Variants in ADAM29 observed in about 807,000 individuals in gnomAD.
The protein encoded by ADAM29 is ADAM metallopeptidase domain 29.
For synonymous variants in ADAM29, 367 were observed against 342.3 expected (o/e 1.07, Z -0.80); for missense variants, 969 against 1,001.8 (o/e 0.97, Z 0.44).
chr4:174,928,407 G>A (rs1227560761), intron 2 of ADAM29, among the ~76,000 whole-genome samples: 2 of 151,790 alleles, frequency 1.3e-5, no homozygotes, highest in South Asian at 2.1e-4. Flanking sequence ...TGACTGGTTA[G>A]TTACTGGAGG....
rs945916249 is a variant in ADAM29 at position 174,918,390 on chromosome 4, TGTGA to T, written c.-635_-632del. 45 of 152,174 alleles carry T rather than the reference TGTGA, an allele frequency of 3.0e-4. No individual in the cohort carries two copies. Among genetic ancestry groups the T allele is most frequent in the African/African-American group, 8.4e-4 (35 of 41,430 alleles). 9.4% of individuals were successfully genotyped at this position (152,174 alleles called of 1,614,324 possible). ...CACATCCACTAACCAAATGGGGTGG[TGTGA>T]GTATCTCCTATAAAATAAAAGCTCT... On this transcript the variant is annotated 5_prime_UTR_variant, in exon 1 of 5. An upstream open reading frame in the 5' UTR loses its in-frame stop. Transcript: ENST00000359240.
In ADAM29 at chr4:174,977,878, CAG is replaced by C; in HGVS notation, c.2356_2357del (p.His787SerfsTer72). Reference protein sequence around the residue: ...SQSQPPVMPSQSHPQLTPSQS... With the variant: ...SQSQPPVMPSXSHPQLTPSQS... Reference sequence around the variant, plus strand: ...GAGTCAACCTCCTGTGATGCCTTCCCAGAGTCATCCTCAGTTGACGCCTTCCC... The same window carrying C: ...GAGTCAACCTCCTGTGATGCCTTCCCAGTCATCCTCAGTTGACGCCTTCCC... On this transcript the variant is annotated frameshift_variant, in exon 5 of 5. Coordinates refer to ENST00000359240, the MANE Select transcript of ADAM29 (RefSeq NM_014269.4). LOFTEE classifies it high-confidence loss of function. 6.3e-7 allele frequency: 1 copy of C among 1,587,194 alleles called. No homozygotes were observed. Among genetic ancestry groups the C allele is most frequent in the South Asian group, 1.1e-5 (1 of 89,078 alleles).
At chr4:174,925,257 G>A (rs1010704034) in intron 2 of ADAM29, among the ~76,000 whole-genome samples, 1 of 152,130 alleles carries the variant, frequency 6.6e-6, no homozygotes, top group Non-Finnish European at 1.5e-5. Context: ...ATTTAATAAC[G>A]AGGTGTTAAT....
chr4:174,964,753 T>C (rs907374164), intron 4 of ADAM29, among the ~76,000 whole-genome samples: 1 of 152,086 alleles, frequency 6.6e-6, no homozygotes, highest in African/African-American at 2.4e-5. Flanking sequence ...AAATTAAATA[T>C]AAACTTGAGT....
rs1447408794 is a variant in ADAM29, at chr4:174,923,525, G to GTGTATATATATA, written c.-451+2734_-451+2735insGTATATATATAT. Among the ~76,000 whole-genome samples, 287 of 96,532 alleles carry GTGTATATATATA rather than the reference G, an allele frequency of 3.0e-3. 1 individual carries two copies. The highest frequency in any genetic ancestry group is 4.2e-3 in the Non-Finnish European group (200 of 48,046). The allele number at this position is 96,532 out of a possible 152,430, so 63.3% of individuals were successfully genotyped here. A position where few individuals can be genotyped will look rare whatever the true frequency, so the allele number is the denominator to read the frequency against. On this transcript the variant is annotated intron_variant, in intron 2 of 4. Coordinates refer to ENST00000359240, the MANE Select transcript of ADAM29 (RefSeq NM_014269.4). ...ATCCCCTATATACTGTGCATTATAT[G>GTGTATATATATA]TATATATATATATATATATATATAT...
chr4:174,935,592 A>G (rs1464953656), intron 3 of ADAM29, among the ~76,000 whole-genome samples: 4 of 152,080 alleles, frequency 2.6e-5, no homozygotes, highest in African/African-American at 9.7e-5. Context: ...TTAGGAAGCA[A>G]TATAAAAATT....
intron 2 of ADAM29, among the ~76,000 whole-genome samples, chr4:174,929,269 C>G (rs1743704527): frequency 6.6e-6 from 1 of 152,136 alleles, no homozygotes; most frequent in Non-Finnish European, 1.5e-5. Context: ...TTTGTACCAC[C>G]TTTTTGAAGC....
intron 4 of ADAM29, among the ~76,000 whole-genome samples, chr4:174,961,203 ACTT>A (rs1305548608): frequency 1.3e-5 from 2 of 151,988 alleles, no homozygotes; most frequent in Non-Finnish European, 1.5e-5. Context: ...TTTTTTATAA[ACTT>A]CTCATTATAT....
At chr4:174,924,365 A>ACT (rs1357393089) in intron 2 of ADAM29, among the ~76,000 whole-genome samples, 1 of 152,166 alleles carries the variant, frequency 6.6e-6, no homozygotes, top group Non-Finnish European at 1.5e-5. Context: ...TGCAACAGGA[A>ACT]CTCTCATTCA....
At chr4:174,938,689 A>C (rs1247434251) in intron 4 of ADAM29, among the ~76,000 whole-genome samples, 1 of 152,150 alleles carries the variant, frequency 6.6e-6, no homozygotes, top group East Asian at 1.9e-4. Context: ...GAATATCTTG[A>C]CTGGGGCTCA....
intron 4 of ADAM29, among the ~76,000 whole-genome samples, chr4:174,940,625 TATTA>T (rs1285530722): frequency 6.6e-6 from 1 of 152,180 alleles, no homozygotes; most frequent in Non-Finnish European, 1.5e-5. Context: ...TTAAAAGTGA[TATTA>T]ATTATTTAGT....
intron 4 of ADAM29, among the ~76,000 whole-genome samples, chr4:174,966,276 A>G (rs1319789003): frequency 1.3e-5 from 2 of 152,200 alleles, no homozygotes; most frequent in African/African-American, 4.8e-5. Context: ...ACAGATACAG[A>G]AGGCTGACTA....
chr4:174,977,712 T>C lies in ADAM29; in HGVS notation c.2187T>C (p.Pro729=), dbSNP rs1203459210. The C allele has an allele frequency of 6.2e-7, 1 of 1,614,202 alleles. No individual in the cohort carries two copies. ...EKIQRRPHEL[P]PQSQPWVMPS... Reference sequence around the variant, plus strand: ...TTCAGCGTCGACCTCATGAGTTACCTCCCCAGAGTCAACCTTGGGTGATGC... The same window carrying C: ...TTCAGCGTCGACCTCATGAGTTACCCCCCCAGAGTCAACCTTGGGTGATGC... The change falls in exon 5 of 5, where the codon CCT becomes CCC. Residue 729 remains proline, a synonymous_variant. Transcript: ENST00000359240.
chr4:174,947,837 G>A (rs1364922175), intron 4 of ADAM29, among the ~76,000 whole-genome samples: 2 of 152,130 alleles, frequency 1.3e-5, no homozygotes, highest in African/African-American at 2.4e-5. Context: ...ACTGTCAATT[G>A]GAGGTGAAGT....
intron 4 of ADAM29, among the ~76,000 whole-genome samples, chr4:174,955,930 G>T (rs1472847275): frequency 4.6e-5 from 7 of 151,968 alleles, no homozygotes; most frequent in Non-Finnish European, 7.4e-5. Context: ...AGATATGATT[G>T]CCTAGCTGAA....
chr4:174,938,519 T>C (rs1744328145), intron 4 of ADAM29, among the ~76,000 whole-genome samples: 1 of 152,132 alleles, frequency 6.6e-6, no homozygotes, highest in African/African-American at 2.4e-5. Context: ...GCTCTATGTT[T>C]CTCTCCTTTT....
In ADAM29 at chr4:174,976,370, A is replaced by C. The variant is rs376740180; in HGVS notation, c.845A>C (p.Gln282Pro). ...TCGGAGAACATTACGCCCCGGATGCAACATGACACCTCACATCTTTTCACA... is the reference window on the plus strand; with the variant it reads ...TCGGAGAACATTACGCCCCGGATGCCACATGACACCTCACATCTTTTCACA... ...WKSENITPRMQHDTSHLFTTL... is the reference protein window; with the variant it reads ...WKSENITPRMPHDTSHLFTTL... Residue 282 changes from glutamine (Q) to proline (P), a missense_variant, in exon 5 of 5, where the codon CAA (glutamine) becomes CCA (proline). Gln to Pro is a moderately conservative substitution (Grantham distance 76, BLOSUM62 -1). Coordinates refer to ENST00000359240, the MANE Select transcript of ADAM29 (RefSeq NM_014269.4). 26 of 1,602,520 alleles carry C rather than the reference A, an allele frequency of 1.6e-5. No homozygotes were observed. In the East Asian group the frequency reaches 3.8e-4, roughly 23 times the overall value.
chr4:174,973,354 A>T (rs929055404), intron 4 of ADAM29, among the ~76,000 whole-genome samples: 1 of 152,202 alleles, frequency 6.6e-6, no homozygotes, highest in African/African-American at 2.4e-5. Context: ...TACACTGGGG[A>T]CAGGGACTCC....
In ADAM29 at chr4:174,956,654, A is replaced by G. The variant is rs76680796; in HGVS notation, c.-180-18692A>G. ...AATATTAGTAGTTTGGCAACAGAAA[A>G]CACTTGTTTTTTCTGGCCATTGTAC... is the stretch of plus-strand genomic sequence containing the variant. On this transcript the variant is annotated intron_variant, in intron 4 of 4. Coordinates refer to ENST00000359240, the MANE Select transcript of ADAM29 (RefSeq NM_014269.4). Among the ~76,000 whole-genome samples, 279 of 151,914 alleles carry G rather than the reference A, an allele frequency of 1.8e-3. 2 individuals are homozygous for G. The highest frequency in any genetic ancestry group is 6.3e-3 in the African/African-American group (261 of 41,506).
Sources: allele counts gnomAD v4.1 joint callset (sites outside exome capture counted in the v4.1 genomes callset), GRCh38; gene constraint gnomAD v4.1.1; transcripts MANE v1.5; gene names NCBI Gene and HGNC (gene_info 2026-07-23, HGNC 2026-07-21).